Variants in RPP14 observed in about 807,000 individuals in gnomAD.
RPP14 encodes ribonuclease P protein subunit p14.
Under a neutral mutation model 17.8 loss-of-function variants are expected in RPP14, and 19 were observed. The observed-to-expected ratio is 1.07, with a 90% CI of 0.74 to 1.57. The LOEUF (loss-of-function observed/expected upper bound fraction) is 1.57. RPP14 is among the 40% of genes most tolerant of loss of function. RPP14 has a pLI of 0.00. For missense variants in RPP14, 125 were observed against 140.8 expected (o/e 0.89, Z 0.57); for synonymous variants, 60 against 56.4 (o/e 1.06, Z -0.29).
intron 1 of RPP14, among the ~76,000 whole-genome samples, chr3:58,309,143 C>T (rs753359677): frequency 3.3e-5 from 5 of 152,210 alleles, no homozygotes; most frequent in Non-Finnish European, 5.9e-5. Flanking sequence ...GCAGAACGAC[C>T]ATCCCTCATT....
At chr3:58,316,668 TGAG>T (rs2097488595) in intron 4 of RPP14, 77 bp downstream of exon 4, 1 of 1,319,798 alleles carries the variant, frequency 7.6e-7, no homozygotes, top group African/African-American at 1.5e-5. Flanking sequence ...CTTCTGAGAA[TGAG>T]AATAAATTTT....
intron 3 of RPP14, among the ~76,000 whole-genome samples, chr3:58,314,224 G>T (rs1258239209): frequency 6.6e-6 from 1 of 152,200 alleles, no homozygotes; most frequent in Non-Finnish European, 1.5e-5. Context: ...GGTGGCACAT[G>T]CCTGTAACCC....
At chr3:58,307,568 A>C (rs185093815) in intron 1 of RPP14, among the ~76,000 whole-genome samples, 229 of 150,574 alleles carry the variant, frequency 1.5e-3, no homozygotes, top group African/African-American at 5.5e-3. Context: ...TGTACTAAAA[A>C]TACAAAAGTT....
chr3:58,310,188 C>T (rs1022127814), intron 1 of RPP14, 121 bp from the exon 2 acceptor site: 17 of 687,228 alleles, frequency 2.5e-5, no homozygotes, highest in Non-Finnish European at 3.5e-5. Flanking sequence ...GCCTAGGTGA[C>T]AGGGTGAGAC....
rs1575548930 is a variant in RPP14 at position 58,317,699 on chromosome 3, A to G, written c.*203A>G. 6 of 704,348 alleles carry G rather than the reference A, an allele frequency of 8.5e-6. No individual in the cohort carries two copies. In the East Asian group the frequency reaches 1.6e-4, roughly 19 times the overall value. The allele number at this position is 704,348 out of a possible 1,614,324, so 43.6% of individuals were successfully genotyped here. A position where few individuals can be genotyped will look rare whatever the true frequency, so the allele number is the denominator to read the frequency against. ...CTGAACCTGCCAGTGCTGACCCTGC[A>G]GCACTTTCAGCATATGCACATCAAA... On this transcript the variant is annotated 3_prime_UTR_variant, in exon 6 of 6. Transcript: ENST00000295959.
chr3:58,311,160 GTT>G (rs1471029801), intron 3 of RPP14, among the ~76,000 whole-genome samples: 1 of 146,936 alleles, frequency 6.8e-6, no homozygotes, highest in African/African-American at 2.5e-5. Context: ...TGTTGTTGTT[GTT>G]GTTTTTCTTT....
At position 58,318,697 on chromosome 3, in the gene RPP14, T is replaced by A. The variant is rs1424000725; in HGVS notation, c.*1201T>A. The stretch of plus-strand genomic sequence containing the variant: ...CTCAAGAAAGAAGTATTGGGAAGGT[T>A]ATTTAAAGACTCTACTTTTAAATCA... On this transcript the variant is annotated 3_prime_UTR_variant, in exon 6 of 6. Coordinates refer to ENST00000295959, the MANE Select transcript of RPP14 (RefSeq NM_007042.6). 2 of 151,226 alleles carry A rather than the reference T, an allele frequency of 1.3e-5. No homozygotes were observed. Among genetic ancestry groups the A allele is most frequent in the Non-Finnish European group, 1.5e-5 (1 of 67,902 alleles). The allele number at this position is 151,226 out of a possible 1,614,324, so 9.4% of individuals were successfully genotyped here.
Position 58,317,751 on chromosome 3 carries a change from G to A in RPP14, c.*255G>A. 1.4e-6 allele frequency: 1 copy of A among 703,290 alleles called. No individual in the cohort carries two copies. The highest frequency in any genetic ancestry group is 2.6e-6 in the Non-Finnish European group (1 of 385,010). 43.6% of individuals were successfully genotyped at this position (703,290 alleles called of 1,614,324 possible). A position where few individuals can be genotyped will look rare whatever the true frequency, so the allele number is the denominator to read the frequency against. On this transcript the variant is annotated 3_prime_UTR_variant, in exon 6 of 6. Transcript: ENST00000295959. ...TTGGAGACCGCGCTGAACTTAGGAG[G>A]GCCTTCACACAGACTGATGTGGCTA...
chr3:58,310,309 G>A lies in RPP14; in HGVS notation c.-21G>A. 1 of 1,610,344 alleles carries A rather than the reference G, an allele frequency of 6.2e-7. No individual in the cohort carries two copies. Among genetic ancestry groups the A allele is most frequent in the Non-Finnish European group, 8.5e-7 (1 of 1,176,544 alleles). ...TTCTAGCCCTCTTGACTTACTGTAG[G>A]TGTGATCAGCACTGGAAAAGATGCC... On this transcript the variant is annotated splice_region_variant and 5_prime_UTR_variant, in exon 2 of 6. The change creates a new upstream start codon in the 5' untranslated region. Transcript: ENST00000295959.
At chr3:58,312,486 T>G (rs1302859895) in intron 3 of RPP14, among the ~76,000 whole-genome samples, 1 of 152,106 alleles carries the variant, frequency 6.6e-6, no homozygotes, top group Non-Finnish European at 1.5e-5. Context: ...AAGTAAACTT[T>G]CAGAAGTGAT....
rs2097491271 is a variant in RPP14 at position 58,318,809 on chromosome 3, G to A, written c.*1313G>A. 6.6e-6 allele frequency: 1 copy of A among 152,006 alleles called. No individual in the cohort carries two copies. The highest frequency in any genetic ancestry group is 2.1e-4 in the South Asian group (1 of 4,822). 9.4% of individuals were successfully genotyped at this position (152,006 alleles called of 1,614,324 possible). A position where few individuals can be genotyped will look rare whatever the true frequency, so the allele number is the denominator to read the frequency against. On this transcript the variant is annotated 3_prime_UTR_variant, in exon 6 of 6. Coordinates refer to ENST00000295959, the MANE Select transcript of RPP14 (RefSeq NM_007042.6). Reference sequence around the variant, plus strand: ...GAGGTCAGGAGTTCAAGACCAGCCTGGCCAACATGTGAAACCCCATCTCTA... The same window carrying A: ...GAGGTCAGGAGTTCAAGACCAGCCTAGCCAACATGTGAAACCCCATCTCTA...
intron 4 of RPP14, 92 bp from the exon 5 acceptor site, chr3:58,316,822 CA>C (rs1476603753): frequency 8.6e-7 from 1 of 1,161,868 alleles, no homozygotes; most frequent in Non-Finnish European, 1.3e-6. Context: ...GTTATAGTTG[CA>C]AAGTCAGAAG....
At chr3:58,317,134 T>C (rs2097489152) in intron 5 of RPP14, 141 bp downstream of exon 5, 2 of 663,336 alleles carry the variant, frequency 3.0e-6, no homozygotes, top group African/African-American at 1.8e-5. Flanking sequence ...AGGACTTGAT[T>C]GTTTCCAAAA....
intron 3 of RPP14, 148 bp downstream of exon 3, chr3:58,310,739 G>A: frequency 3.3e-6 from 2 of 602,164 alleles, no homozygotes; most frequent in Non-Finnish European, 5.8e-6. Context: ...AGACCATCCT[G>A]GCCAACATGG....
rs538545058 is a variant in RPP14 at position 58,317,672 on chromosome 3, G to T, written c.*176G>T. ...TGGGGTGGGCTTCGGAGGACAGTCT[G>T]TCTGAACCTGCCAGTGCTGACCCTG... On this transcript the variant is annotated 3_prime_UTR_variant, in exon 6 of 6. Transcript: ENST00000295959. 6 of 706,110 alleles carry T rather than the reference G, an allele frequency of 8.5e-6. No homozygotes were observed. Among genetic ancestry groups the T allele is most frequent in the African/African-American group, 5.2e-5 (3 of 57,300 alleles). The allele number at this position is 706,110 out of a possible 1,614,324, so 43.7% of individuals were successfully genotyped here.
In RPP14 at chr3:58,318,004, A is replaced by G. The variant is rs1226587224; in HGVS notation, c.*508A>G. On this transcript the variant is annotated 3_prime_UTR_variant, in exon 6 of 6. Transcript: ENST00000295959. ...AGTTGTTTTAGCTTCTGCAGAAGTG[A>G]AAAAGCTGAAGCGGTTCATTGCTAT... 5.7e-6 allele frequency: 4 copies of G among 702,764 alleles called. No individual in the cohort carries two copies. The highest frequency in any genetic ancestry group is 1.0e-5 in the Non-Finnish European group (4 of 384,972). 43.5% of individuals were successfully genotyped at this position (702,764 alleles called of 1,614,324 possible). A position where few individuals can be genotyped will look rare whatever the true frequency, so the allele number is the denominator to read the frequency against.
In RPP14 at chr3:58,317,707, C is replaced by G; in HGVS notation, c.*211C>G. ...GCCAGTGCTGACCCTGCAGCACTTT[C>G]AGCATATGCACATCAAAGTTGGAGA... On this transcript the variant is annotated 3_prime_UTR_variant, in exon 6 of 6. Coordinates refer to ENST00000295959, the MANE Select transcript of RPP14 (RefSeq NM_007042.6). 2 of 704,160 alleles carry G rather than the reference C, an allele frequency of 2.8e-6. No individual in the cohort carries two copies. The highest frequency in any genetic ancestry group is 1.5e-5 in the South Asian group (1 of 67,638). 43.6% of individuals were successfully genotyped at this position (704,160 alleles called of 1,614,324 possible).
rs143737950 is a variant in RPP14 at position 58,319,810 on chromosome 3, C to A, written c.*2314C>A. 11 of 152,006 alleles carry A rather than the reference C, an allele frequency of 7.2e-5. No homozygotes were observed. In the East Asian group the frequency reaches 2.1e-3, roughly 29 times the overall value. The allele number at this position is 152,006 out of a possible 1,614,324, so 9.4% of individuals were successfully genotyped here. A position where few individuals can be genotyped will look rare whatever the true frequency, so the allele number is the denominator to read the frequency against. ...TTGTTTCCCATTTTTTTTTGTTTCC[C>A]GTTTTTTAATAAAATTGAGATATAA... On this transcript the variant is annotated 3_prime_UTR_variant, in exon 6 of 6. Transcript: ENST00000295959.
In RPP14 at chr3:58,317,672, G is replaced by C. The variant is rs538545058; in HGVS notation, c.*176G>C. The C allele has an allele frequency of 9.8e-4, 689 of 706,226 alleles. No individual in the cohort carries two copies. Among genetic ancestry groups the C allele is most frequent in the Non-Finnish European group, 1.6e-3 (604 of 386,720 alleles). The allele number at this position is 706,226 out of a possible 1,614,324, so 43.7% of individuals were successfully genotyped here. A position where few individuals can be genotyped will look rare whatever the true frequency, so the allele number is the denominator to read the frequency against. ...TGGGGTGGGCTTCGGAGGACAGTCT[G>C]TCTGAACCTGCCAGTGCTGACCCTG... On this transcript the variant is annotated 3_prime_UTR_variant, in exon 6 of 6. Transcript: ENST00000295959.
Sources: allele counts gnomAD v4.1 joint callset (sites outside exome capture counted in the v4.1 genomes callset), GRCh38; gene constraint gnomAD v4.1.1; transcripts MANE v1.5; gene names NCBI Gene and HGNC (gene_info 2026-07-23, HGNC 2026-07-21).